CFAP44: variants seen among roughly 807,000 people sequenced by gnomAD.
The protein encoded by CFAP44 is cilia and flagella associated protein 44, also known as cilia- and flagella-associated protein 44.
A neutral mutation model predicts 216.2 loss-of-function variants in CFAP44; 134 were observed. The ratio of observed to expected loss-of-function variants is 0.62; its 90% CI spans 0.54 to 0.72. The LOEUF is 0.72. Among genes scored for constraint, CFAP44 ranks in the 30% least tolerant of loss-of-function variants. CFAP44 has a pLI of 0.00. For synonymous variants in CFAP44, 700 were observed against 727.6 expected (o/e 0.96, Z 0.61); for missense variants, 2,035 against 2,182.1 (o/e 0.93, Z 1.34).
At chr3:113,336,582 A>G (rs1576554311) in intron 24 of CFAP44, among the ~76,000 whole-genome samples, 1 of 152,058 alleles carries the variant, frequency 6.6e-6, no homozygotes, top group South Asian at 2.1e-4. Flanking sequence ...CTATCCCTCA[A>G]AGAATACTTA....
At chr3:113,303,157 C>T (rs887749234) in intron 32 of CFAP44, among the ~76,000 whole-genome samples, 1 of 152,118 alleles carries the variant, frequency 6.6e-6, no homozygotes, top group Non-Finnish European at 1.5e-5. Flanking sequence ...TGTTCAACCA[C>T]TTTGGGGGCA....
chr3:113,372,819 A>T (rs148227684), intron 18 of CFAP44, among the ~76,000 whole-genome samples: 11 of 152,302 alleles, frequency 7.2e-5, no homozygotes, highest in Non-Finnish European at 1.6e-4. Context: ...AAGAAGGCAA[A>T]TATCTATAAG....
In CFAP44 at chr3:113,426,245, C is replaced by T; in HGVS notation, c.286G>A (p.Glu96Lys). Residue 96 changes from glutamate (E) to lysine (K), a missense_variant, in exon 4 of 35, where the codon GAA becomes AAA. By Grantham distance (56) the Glu-to-Lys change is moderately conservative. This residue lies in a region of CFAP44 where 149 missense variants were observed against 141.8 expected (regional missense o/e 1.05). Coordinates refer to ENST00000393845, the MANE Select transcript of CFAP44 (RefSeq NM_001164496.2). The part of the protein sequence containing the change: ...PQQTPAPAVE[E>K]AEEEVKKKIS... ...TTCTTCTTAACTTCCTCCTCTGCTT[C>T]TTCCACAGCTGGAGCAGGGGTTTGC... 6.2e-7 allele frequency: 1 copy of T among 1,614,128 alleles called. No individual in the cohort carries two copies. The highest frequency in any genetic ancestry group is 8.5e-7 in the Non-Finnish European group (1 of 1,179,974).
At chr3:113,426,728 A>G in intron 3 of CFAP44, 1 of 195,836 alleles carries the variant, frequency 5.1e-6, no homozygotes, top group Non-Finnish European at 1.0e-5. Flanking sequence ...GACAGGAGGA[A>G]TGTACACAGC....
intron 22 of CFAP44, among the ~76,000 whole-genome samples, chr3:113,358,368 G>A (rs1170929006): frequency 2.6e-5 from 4 of 151,956 alleles, no homozygotes; most frequent in Admixed American, 1.3e-4. Context: ...GTGCATGAGA[G>A]GGATAAAACC....
intron 22 of CFAP44, among the ~76,000 whole-genome samples, chr3:113,350,310 CAG>C (rs1028455718): frequency 5.3e-5 from 8 of 149,618 alleles, no homozygotes; most frequent in African/African-American, 1.5e-4. Flanking sequence ...AAGAAAGAGA[CAG>C]AAAGTCAGAG....
At position 113,430,510 on chromosome 3, in the gene CFAP44, C is replaced by A. The variant is rs530854544; in HGVS notation, c.100+3055G>T. On this transcript the variant is annotated intron_variant, in intron 2 of 34. Transcript: ENST00000393845. ...ATCAACAACATTGATAAGCTCCTAG[C>A]TACACCAATGAAGAAATAAAAGAGA... 3.9e-4 allele frequency among the ~76,000 whole-genome samples: 58 copies of A among 149,388 alleles called. 1 individual carries two copies. Among genetic ancestry groups the A allele is most frequent in the Admixed American group, 3.5e-3 (52 of 15,026 alleles).
intron 1 of CFAP44, among the ~76,000 whole-genome samples, chr3:113,439,252 T>C (rs1935303560): frequency 6.6e-6 from 1 of 151,470 alleles, no homozygotes; most frequent in Non-Finnish European, 1.5e-5. Context: ...GTCACCAGTG[T>C]TAAGAAAGAA....
chr3:113,420,399 A>C (rs1934782028), intron 4 of CFAP44, among the ~76,000 whole-genome samples: 1 of 152,214 alleles, frequency 6.6e-6, no homozygotes, highest in Non-Finnish European at 1.5e-5. Flanking sequence ...ACAATAAACA[A>C]ATAAATAAAT....
At chr3:113,326,875 A>C (rs1207570181) in intron 27 of CFAP44, among the ~76,000 whole-genome samples, 2 of 152,176 alleles carry the variant, frequency 1.3e-5, no homozygotes, top group East Asian at 3.8e-4. Context: ...AGTGCTAAGC[A>C]TCCCCCCAAA....
intron 22 of CFAP44, among the ~76,000 whole-genome samples, chr3:113,350,445 C>G (rs1364455184): frequency 6.6e-6 from 1 of 151,610 alleles, no homozygotes; most frequent in African/African-American, 2.4e-5. Context: ...ACAAAGAAGC[C>G]GAAGAGAAAG....
chr3:113,302,457 T>TAAAAAAAA lies in CFAP44; in HGVS notation c.5077+1451_5077+1458dup, dbSNP rs60866565. ...GTATCCAAAGATACACTAGACAAAG[T>TAAAAAAAA]AAAAAAAAAAAAAAAAAAAAAAAGA... On this transcript the variant is annotated intron_variant, in intron 32 of 34. Transcript: ENST00000393845. 2.2e-3 allele frequency among the ~76,000 whole-genome samples: 165 copies of TAAAAAAAA among 75,744 alleles called. 1 individual carries two copies. The highest frequency in any genetic ancestry group is 2.5e-3 in the Non-Finnish European group (87 of 35,364). 49.7% of individuals were successfully genotyped at this position (75,744 alleles called of 152,430 possible). A position where few individuals can be genotyped will look rare whatever the true frequency, so the allele number is the denominator to read the frequency against.
Position 113,400,013 on chromosome 3 carries a change from A to G in CFAP44, c.1475-13T>C. ...ATTCGAACAGAGCCTATAGAAAGAC[A>G]GTTTTAAAAGAAAAAAAATTATATA... On this transcript the variant is annotated splice_polypyrimidine_tract_variant and intron_variant, in intron 12 of 34. Transcript: ENST00000393845. The G allele has an allele frequency of 6.6e-7, 1 of 1,515,920 alleles. No individual in the cohort carries two copies. The highest frequency in any genetic ancestry group is 8.8e-7 in the Non-Finnish European group (1 of 1,135,286). The allele number at this position is 1,515,920 out of a possible 1,614,324, so 93.9% of individuals were successfully genotyped here.
rs529842127 is a variant in CFAP44 at position 113,399,984 on chromosome 3, A to G, written c.1491T>C (p.Tyr497=). Residue 497 remains tyrosine (Y), a synonymous_variant, in exon 13 of 35, where the codon TAT becomes TAC. Coordinates refer to ENST00000393845, the MANE Select transcript of CFAP44 (RefSeq NM_001164496.2). The stretch of plus-strand genomic sequence containing the variant: ...CCAAAGGAGTTTTGCTAGCAAAATC[A>G]TAGATTCGAACAGAGCCTATAGAAA... The part of the protein sequence containing the change: ...TTALDCSVRI[Y]DFASKTPLAQ... 6.1e-5 allele frequency: 98 copies of G among 1,601,828 alleles called. 3 individuals are homozygous for G. The South Asian group carries it at 1.1e-3, about 18-fold the overall frequency.
At position 113,438,838 on chromosome 3, in the gene CFAP44, G is replaced by C. The variant is rs575279308; in HGVS notation, c.-6+2615C>G. Among the ~76,000 whole-genome samples, 16 of 152,120 alleles carry C rather than the reference G, an allele frequency of 1.1e-4. No individual in the cohort carries two copies. In the East Asian group the frequency reaches 1.9e-3, roughly 18 times the overall value. On this transcript the variant is annotated intron_variant, in intron 1 of 34. Transcript: ENST00000393845. ...TCTCTCCAGATCCTCTCTTTTCCCAGAGAAAGTATCCCAATTATTTCAATT... is the reference window on the plus strand; with the variant it reads ...TCTCTCCAGATCCTCTCTTTTCCCACAGAAAGTATCCCAATTATTTCAATT...
At chr3:113,348,716 A>G (rs1461097388) in intron 22 of CFAP44, among the ~76,000 whole-genome samples, 1 of 152,176 alleles carries the variant, frequency 6.6e-6, no homozygotes, top group Non-Finnish European at 1.5e-5. Context: ...TTCAAGCTGT[A>G]GGGGGAGGGG....
At chr3:113,411,642 T>C (rs920913386) in intron 6 of CFAP44, among the ~76,000 whole-genome samples, 9 of 152,240 alleles carry the variant, frequency 5.9e-5, no homozygotes, top group Non-Finnish European at 1.0e-4. Flanking sequence ...TTTGGTTCCA[T>C]ATGAACTTTA....
intron 2 of CFAP44, among the ~76,000 whole-genome samples, chr3:113,431,597 G>C (rs1282800738): frequency 6.6e-6 from 1 of 152,170 alleles, no homozygotes; most frequent in Non-Finnish European, 1.5e-5. Flanking sequence ...AACTCTAGTG[G>C]TGGTGTGGAG....
chr3:113,364,795 A>G (rs1950572776), intron 19 of CFAP44, among the ~76,000 whole-genome samples: 1 of 152,156 alleles, frequency 6.6e-6, no homozygotes, highest in African/African-American at 2.4e-5. Context: ...TCACCTTCAG[A>G]GATTCTAATT....
Sources: allele counts gnomAD v4.1 joint callset (sites outside exome capture counted in the v4.1 genomes callset), GRCh38; gene constraint gnomAD v4.1.1; regional missense constraint gnomAD v4.1.1; transcripts MANE v1.5; gene names NCBI Gene and HGNC (gene_info 2026-07-23, HGNC 2026-07-21).